TRIP4: variants seen among roughly 807,000 people sequenced by gnomAD.
The protein encoded by TRIP4 is activating signal cointegrator 1.
A neutral mutation model predicts 81.8 loss-of-function variants in TRIP4; 54 were observed. The observed-to-expected ratio is 0.66, with a 90% CI of 0.53 to 0.83. The LOEUF (loss-of-function observed/expected upper bound fraction) is 0.83, where lower values mean the gene tolerates loss of function less well. Ranked by LOEUF, TRIP4 falls within the 40% of genes least tolerant of loss-of-function variation. TRIP4 has a pLI of 0.00. For missense variants in TRIP4, 662 were observed against 683.6 expected (o/e 0.97, Z 0.35); for synonymous variants, 270 against 242.8 (o/e 1.11, Z -1.04).
chr15:64,433,229 A>G (rs927848676), intron 11 of TRIP4, among the ~76,000 whole-genome samples: 1 of 152,124 alleles, frequency 6.6e-6, no homozygotes. Context: ...ATAGTAATGA[A>G]ATCTATCACT....
At chr15:64,438,288 T>C (rs972278513) in intron 11 of TRIP4, among the ~76,000 whole-genome samples, 2 of 152,184 alleles carry the variant, frequency 1.3e-5, no homozygotes, top group Admixed American at 6.6e-5. Context: ...GAGTGGACTT[T>C]GTTGGTTGAA....
chr15:64,453,390 TG>T (rs1892816227), intron 12 of TRIP4, among the ~76,000 whole-genome samples: 1 of 152,212 alleles, frequency 6.6e-6, no homozygotes, highest in Non-Finnish European at 1.5e-5. Context: ...TTTTGAAATT[TG>T]TAGTGTCTAC....
At chr15:64,420,098 G>A (rs1198069102) in intron 9 of TRIP4, among the ~76,000 whole-genome samples, 1 of 151,674 alleles carries the variant, frequency 6.6e-6, no homozygotes, top group African/African-American at 2.4e-5. Flanking sequence ...ATAGGTGTGA[G>A]CCACTGTGCC....
At chr15:64,411,104 C>T (rs968142419) in intron 7 of TRIP4, among the ~76,000 whole-genome samples, 1 of 151,804 alleles carries the variant, frequency 6.6e-6, no homozygotes, top group Non-Finnish European at 1.5e-5. Context: ...AATGATGCAG[C>T]CTACATACTG....
intron 1 of TRIP4, among the ~76,000 whole-genome samples, chr15:64,389,042 A>C (rs891520283): frequency 6.6e-6 from 1 of 152,184 alleles, no homozygotes; most frequent in South Asian, 2.1e-4. Flanking sequence ...GGAGCACAAA[A>C]TAAAGGATTC....
rs1900169000 is a variant in TRIP4 at position 64,392,646 on chromosome 15, T to A, written c.102-1300T>A. The stretch of plus-strand genomic sequence containing the variant: ...GTTTTTGCTTGTTTGAGACAGAGTC[T>A]CATTCTGTTGCTCAGGCTGGAATGT... On this transcript the variant is annotated intron_variant, in intron 1 of 12. Transcript: ENST00000261884. Among the ~76,000 whole-genome samples, 3 of 152,020 alleles carry A rather than the reference T, an allele frequency of 2.0e-5. No homozygotes were observed. In the South Asian group the frequency reaches 6.2e-4, roughly 32 times the overall value.
intron 6 of TRIP4, among the ~76,000 whole-genome samples, chr15:64,408,447 G>C (rs892973796): frequency 9.3e-5 from 14 of 150,760 alleles, no homozygotes; most frequent in African/African-American, 3.2e-4. Flanking sequence ...TTTTAGTAGA[G>C]ACGGGGTTTC....
At position 64,455,129 on chromosome 15, in the gene TRIP4, C is replaced by G; in HGVS notation, c.*65C>G. ...TGTACTAAAATTGCTATCTACTGGT[C>G]CTTTGGAATTGAAGTAGTAGAAACC... On this transcript the variant is annotated 3_prime_UTR_variant, in exon 13 of 13. Coordinates refer to ENST00000261884, the MANE Select transcript of TRIP4 (RefSeq NM_016213.5). 2.1e-6 allele frequency: 3 copies of G among 1,456,674 alleles called. No homozygotes were observed. Among genetic ancestry groups the G allele is most frequent in the Non-Finnish European group, 2.9e-6 (3 of 1,051,136 alleles). The allele number at this position is 1,456,674 out of a possible 1,614,324, so 90.2% of individuals were successfully genotyped here. A position where few individuals can be genotyped will look rare whatever the true frequency, so the allele number is the denominator to read the frequency against.
At chr15:64,400,642 T>C in intron 4 of TRIP4, 101 bp from the exon 5 acceptor site, 1 of 856,570 alleles carries the variant, frequency 1.2e-6, no homozygotes, top group East Asian at 2.6e-5. Flanking sequence ...CTCATTATTT[T>C]ATCATCATCT....
chr15:64,400,954 T>TTTTTTG (rs1555409246), intron 5 of TRIP4, 133 bp downstream of exon 5: 97 of 728,738 alleles, frequency 1.3e-4, no homozygotes, highest in Admixed American at 5.6e-4. Flanking sequence ...TGGGGGGTTT[T>TTTTTTG]TTTTGTTTTG....
intron 7 of TRIP4, 41 bp from the exon 8 acceptor site, chr15:64,414,044 A>G (rs1260745326): frequency 6.2e-7 from 1 of 1,609,096 alleles, no homozygotes; most frequent in Non-Finnish European, 8.5e-7. Context: ...CTGAGCATAG[A>G]ACATTACCAA....
At chr15:64,413,779 G>T (rs1229269083) in intron 7 of TRIP4, among the ~76,000 whole-genome samples, 1 of 151,462 alleles carries the variant, frequency 6.6e-6, no homozygotes, top group South Asian at 2.1e-4. Context: ...GTAGAGATGG[G>T]GTTTCACCAT....
intron 11 of TRIP4, among the ~76,000 whole-genome samples, chr15:64,436,801 G>C (rs1462285146): frequency 8.2e-5 from 7 of 84,946 alleles, no homozygotes; most frequent in African/African-American, 3.4e-4. Context: ...TTAATAAGGA[G>C]TCTCACTCTG....
chr15:64,440,420 C>T (rs1892492110), intron 11 of TRIP4, among the ~76,000 whole-genome samples: 1 of 146,302 alleles, frequency 6.8e-6, no homozygotes, highest in Admixed American at 6.9e-5. Flanking sequence ...GTAATGTGGT[C>T]TTTAGTGTCC....
At chr15:64,409,072 G>C (rs553285812) in intron 6 of TRIP4, among the ~76,000 whole-genome samples, 1 of 151,954 alleles carries the variant, frequency 6.6e-6, no homozygotes, top group Non-Finnish European at 1.5e-5. Context: ...AATTAGCCAG[G>C]CATGGTGTTG....
intron 12 of TRIP4, among the ~76,000 whole-genome samples, chr15:64,450,159 C>T (rs536121522): frequency 7.3e-5 from 11 of 151,480 alleles, no homozygotes; most frequent in South Asian, 2.1e-4. Flanking sequence ...TTTGGGAGGC[C>T]GAGGCGGATC....
chr15:64,451,729 C>T (rs1892767242), intron 12 of TRIP4, among the ~76,000 whole-genome samples: 1 of 151,294 alleles, frequency 6.6e-6, no homozygotes, highest in Non-Finnish European at 1.5e-5. Flanking sequence ...TCTTGGCTCA[C>T]TGGAACCTCC....
chr15:64,412,588 G>T (rs1891791672), intron 7 of TRIP4, among the ~76,000 whole-genome samples: 1 of 148,920 alleles, frequency 6.7e-6, no homozygotes, highest in South Asian at 2.1e-4. Flanking sequence ...TTGAAGGCAG[G>T]AACAATGTCT....
chr15:64,418,391 C>A, intron 8 of TRIP4, 150 bp from the exon 9 acceptor site: 2 of 847,954 alleles, frequency 2.4e-6, no homozygotes, highest in Non-Finnish European at 3.5e-6. Context: ...GGATTACAGG[C>A]GTGAGCCACG....
Sources: allele counts gnomAD v4.1 joint callset (sites outside exome capture counted in the v4.1 genomes callset), GRCh38; gene constraint gnomAD v4.1.1; transcripts MANE v1.5; gene names NCBI Gene and HGNC (gene_info 2026-07-23, HGNC 2026-07-21).